DISC1: variants seen among roughly 807,000 people sequenced by gnomAD.
DISC1 encodes disrupted in schizophrenia 1 protein.
DISC1 carries 57 observed loss-of-function variants against 84.5 expected under a neutral mutation model. That is an observed-to-expected ratio of 0.67 (90% CI 0.55 to 0.84). DISC1 has a LOEUF of 0.84. Among genes scored for constraint, DISC1 ranks in the 40% least tolerant of loss-of-function variants. DISC1 has a pLI of 0.00. For synonymous variants in DISC1, 411 were observed against 415.2 expected (o/e 0.99, Z 0.12); for missense variants, 1,000 against 1,057.8 (o/e 0.95, Z 0.76).
chr1:231,781,433 A>G (rs1295574977), intron 6 of DISC1, among the ~76,000 whole-genome samples: 4 of 152,124 alleles, frequency 2.6e-5, no homozygotes, highest in Admixed American at 1.3e-4. Context: ...TCTCTTTTAT[A>G]TAATTTAGGC....
Position 231,693,979 on chromosome 1 carries a change from A to C in DISC1, c.221A>C (p.Glu74Ala), listed in dbSNP as rs2065350745. 2 of 1,614,030 alleles carry C rather than the reference A, an allele frequency of 1.2e-6. No homozygotes were observed. Reference sequence around the variant, plus strand: ...CGGTTCCCAGGAGGGGTGTCTGGCGAGGAGTCCCACCACTCGGAGTCCAGG... The same window carrying C: ...CGGTTCCCAGGAGGGGTGTCTGGCGCGGAGTCCCACCACTCGGAGTCCAGG... ...LFRFPGGVSG[E>A]ESHHSESRAR... The change falls in exon 2 of 13, where the codon GAG becomes GCG. Residue 74 changes from glutamate to alanine, a missense_variant. By Grantham distance (107) the Glu-to-Ala change is moderately radical (BLOSUM62 -1). This residue lies in a region of DISC1 where 292 missense variants were observed against 280.2 expected (regional missense o/e 1.04). Transcript: ENST00000439617.
intron 9 of DISC1, among the ~76,000 whole-genome samples, chr1:231,851,045 G>C (rs2083860556): frequency 6.6e-6 from 1 of 152,152 alleles, no homozygotes; most frequent in Admixed American, 6.5e-5. Context: ...GGAGAGGTCG[G>C]TATGCCCTGA....
chr1:231,670,822 C>T (rs892392993), intron 1 of DISC1: 8 of 152,168 alleles, frequency 5.3e-5, no homozygotes, highest in Non-Finnish European at 1.2e-4. Context: ...TGATTTATTG[C>T]TTGCTTGTTG....
intron 9 of DISC1, among the ~76,000 whole-genome samples, chr1:231,912,836 T>G (rs536386737): frequency 1.3e-5 from 2 of 151,658 alleles, no homozygotes; most frequent in Admixed American, 6.6e-5. Flanking sequence ...TCCTTTCTTC[T>G]TCTTTTTCTT....
At chr1:231,890,381 C>G (rs141943713) in intron 9 of DISC1, among the ~76,000 whole-genome samples, 1 of 152,118 alleles carries the variant, frequency 6.6e-6, no homozygotes, top group African/African-American at 2.4e-5. Context: ...TGATCGAGCA[C>G]AAATCCACTT....
intron 9 of DISC1, among the ~76,000 whole-genome samples, chr1:231,843,052 C>T (rs924351081): frequency 1.3e-5 from 2 of 152,062 alleles, no homozygotes; most frequent in East Asian, 1.9e-4. Flanking sequence ...CTAGAGCCCA[C>T]TGGGAGACAC....
intron 8 of DISC1, among the ~76,000 whole-genome samples, chr1:231,809,611 G>A (rs972338418): frequency 1.4e-5 from 2 of 146,368 alleles, no homozygotes; most frequent in Admixed American, 1.4e-4. Context: ...TGTATTCATT[G>A]CACACAATTG....
At chr1:231,892,672 A>G (rs941112225) in intron 9 of DISC1, among the ~76,000 whole-genome samples, 5 of 93,184 alleles carry the variant, frequency 5.4e-5, no homozygotes, top group African/African-American at 2.1e-4. Flanking sequence ...AGGCAATTAT[A>G]AAAAAAAAAA....
chr1:232,013,719 G>A (rs558560406), intron 11 of DISC1, among the ~76,000 whole-genome samples: 76 of 152,286 alleles, frequency 5.0e-4, no homozygotes, highest in African/African-American at 1.7e-3. Context: ...AGCCCTGTCT[G>A]TTCAGATTCT....
chr1:231,856,995 CAG>C (rs1558657294), intron 9 of DISC1, among the ~76,000 whole-genome samples: 1 of 152,162 alleles, frequency 6.6e-6, no homozygotes, highest in African/African-American at 2.4e-5. Flanking sequence ...GCGAGGTGCT[CAG>C]GGGATGGAGT....
intron 3 of DISC1, among the ~76,000 whole-genome samples, chr1:231,728,519 A>G (rs2071055720): frequency 6.6e-6 from 1 of 152,156 alleles, no homozygotes; most frequent in Non-Finnish European, 1.5e-5. Context: ...GCCAACTATT[A>G]TTTTGTAGCT....
chr1:231,934,696 A>G (rs1472442061), intron 9 of DISC1, among the ~76,000 whole-genome samples: 2 of 152,228 alleles, frequency 1.3e-5, no homozygotes. Flanking sequence ...TGATCTGTTT[A>G]ATAAAATTAT....
Position 231,821,714 on chromosome 1 carries a change from C to CTT in DISC1, c.1981+3212_1981+3213dup, listed in dbSNP as rs200487656. ...CAACTTTTACAGTTTGCTACATCTG[C>CTT]TTTTTTTTTTTTTTTTGAGACAGAG... On this transcript the variant is annotated intron_variant, in intron 9 of 12. Transcript: ENST00000439617. Among the ~76,000 whole-genome samples the CTT allele has an allele frequency of 6.9e-3, 944 of 137,220 alleles. 18 individuals are homozygous for CTT. Among genetic ancestry groups the CTT allele is most frequent in the African/African-American group, 0.021 (774 of 37,096 alleles). 90.0% of individuals were successfully genotyped at this position (137,220 alleles called of 152,430 possible).
chr1:232,005,590 A>T (rs1321716425), intron 10 of DISC1, among the ~76,000 whole-genome samples: 2 of 152,146 alleles, frequency 1.3e-5, no homozygotes, highest in Non-Finnish European at 2.9e-5. Context: ...TTCTTTGTCA[A>T]TACATGATAT....
intron 11 of DISC1, among the ~76,000 whole-genome samples, chr1:232,019,750 G>A (rs1212474988): frequency 2.0e-5 from 3 of 152,110 alleles, no homozygotes; most frequent in African/African-American, 2.4e-5. Flanking sequence ...AGACATTCTC[G>A]CCGCCTTTCC....
At chr1:231,842,751 A>G (rs2083166450) in intron 9 of DISC1, among the ~76,000 whole-genome samples, 1 of 152,184 alleles carries the variant, frequency 6.6e-6, no homozygotes, top group South Asian at 2.1e-4. Context: ...CCCCTCATTC[A>G]TTTATGTAAC....
At chr1:232,004,426 GAACA>G (rs976000762) in intron 10 of DISC1, among the ~76,000 whole-genome samples, 2 of 137,296 alleles carry the variant, frequency 1.5e-5, no homozygotes, top group African/African-American at 5.5e-5. Flanking sequence ...TTAAAAATAT[GAACA>G]AACATGTAAC....
In DISC1 at chr1:231,965,862, C is replaced by T. The variant is rs527978971; in HGVS notation, c.2042+6974C>T. Among the ~76,000 whole-genome samples the T allele has an allele frequency of 4.5e-4, 68 of 152,346 alleles. 1 individual carries two copies. In the South Asian group the frequency reaches 0.013, roughly 29 times the overall value. ...AAGCCTTTCTGGCCTCCTGCTATTT[C>T]CTGCATGGTACCCATAGTGGTAGCC... On this transcript the variant is annotated intron_variant, in intron 10 of 12. Transcript: ENST00000439617.
chr1:231,854,841 G>A (rs113338852), intron 9 of DISC1: 29 of 326,666 alleles, frequency 8.9e-5, no homozygotes, highest in Admixed American at 5.9e-4. Context: ...CTCAGCCTCC[G>A]GAGTAGCTGG....
Sources: gnomAD v4.1 joint callset for allele counts (sites outside exome capture counted in the v4.1 genomes callset) on GRCh38, gnomAD v4.1.1 for gene constraint, gnomAD v4.1.1 regional missense constraint, MANE v1.5 for transcripts, NCBI Gene and HGNC (gene_info 2026-07-23, HGNC 2026-07-21) for gene names.